The following NTRK1 variants were observed in gnomAD, a reference collection of about 807,000 sequenced individuals.
NTRK1 encodes the protein high affinity nerve growth factor receptor.
Under a neutral mutation model 86.8 loss-of-function variants are expected in NTRK1, and 62 were observed. The observed-to-expected ratio is 0.71, with a 90% CI of 0.58 to 0.88. NTRK1 has a LOEUF of 0.88. Among genes scored for constraint, NTRK1 ranks in the 40% least tolerant of loss-of-function variants. The pLI is 0.00. For missense variants in NTRK1, 967 were observed against 1,078.4 expected, an observed-to-expected ratio of 0.90 and a Z score of 1.45; for synonymous variants, 469 against 456.6, an observed-to-expected ratio of 1.03 and a Z score of -0.35.
At position 156,876,387 on chromosome 1, in the gene NTRK1, C is replaced by G. The variant is rs771615701; in HGVS notation, c.1633-13C>G. On this transcript the variant is annotated splice_polypyrimidine_tract_variant and intron_variant, in intron 13 of 16. Coordinates refer to ENST00000524377, the MANE Select transcript of NTRK1 (RefSeq NM_002529.4). ...GCCCCCAACTCAGTCCTGTCCCTGC[C>G]GCTTCCATCCAGGCACTGAAGGAGG... 1 of 1,613,628 alleles carries G rather than the reference C, an allele frequency of 6.2e-7. No homozygotes were observed. Among genetic ancestry groups the G allele is most frequent in the African/African-American group, 1.3e-5 (1 of 75,036 alleles).
intron 2 of NTRK1, among the ~76,000 whole-genome samples, chr1:156,850,154 G>C (rs893223339): frequency 2.0e-5 from 3 of 151,762 alleles, no homozygotes; most frequent in Admixed American, 6.6e-5. Context: ...CTCCCACCTC[G>C]GCTTGCCAAA....
intron 2 of NTRK1, chr1:156,845,037 C>G: frequency 6.4e-7 from 1 of 1,571,150 alleles, no homozygotes; most frequent in South Asian, 1.1e-5. Context: ...TCCTTGGGGT[C>G]GGTGATGGGG....
Position 156,868,127 on chromosome 1 carries a change from A to G in NTRK1, c.452A>G (p.His151Arg), listed in dbSNP as rs763790152. 1 of 1,613,830 alleles carries G rather than the reference A, an allele frequency of 6.2e-7. No individual in the cohort carries two copies. Among genetic ancestry groups the G allele is most frequent in the East Asian group, 2.2e-5 (1 of 44,870 alleles). Residue 151 changes from histidine (H) to arginine (R), a missense_variant, in exon 5 of 17, where the codon CAC becomes CGC. Physicochemically the swap from His to Arg is conservative, Grantham distance 29 (BLOSUM62 0). This residue lies in a region of NTRK1 where 330 missense variants were observed against 302.0 expected (regional missense o/e 1.09). Coordinates refer to ENST00000524377, the MANE Select transcript of NTRK1 (RefSeq NM_002529.4). Reference sequence around the variant, plus strand: ...AGGGTCCTGTCGGGGAACCCTCTGCACTGTTCTTGTGCCCTGCGCTGGCTA... The same window carrying G: ...AGGGTCCTGTCGGGGAACCCTCTGCGCTGTTCTTGTGCCCTGCGCTGGCTA... ...QELVLSGNPL[H>R]CSCALRWLQR...
chr1:156,845,724 C>T lies in NTRK1; in HGVS notation c.50+3531C>T, dbSNP rs1285288719. 1.2e-6 allele frequency: 2 copies of T among 1,613,676 alleles called. No homozygotes were observed. The highest frequency in any genetic ancestry group is 1.7e-4 in the Middle Eastern group (1 of 6,058). On this transcript the variant is annotated intron_variant, in intron 2 of 16. Transcript: ENST00000392302. ...AACCTGACCAGGAGGTGGGTGCTGGCAAGGGCAGCAGTCGGACTCCATCTC... is the reference window on the plus strand; with the variant it reads ...AACCTGACCAGGAGGTGGGTGCTGGTAAGGGCAGCAGTCGGACTCCATCTC...
At chr1:156,876,949 C>A (rs1010555433) in intron 14 of NTRK1, among the ~76,000 whole-genome samples, 1 of 152,104 alleles carries the variant, frequency 6.6e-6, no homozygotes, top group African/African-American at 2.4e-5. Context: ...TTATCAGGCA[C>A]CTTCTATGTT....
In NTRK1 at chr1:156,874,930, G is replaced by A. The variant is rs986498490; in HGVS notation, c.1276G>A (p.Val426Ile). The change falls in exon 11 of 17, where the codon GTC (valine) becomes ATC (isoleucine). Residue 426 changes from valine to isoleucine, a missense_variant. Val to Ile is a conservative substitution (Grantham distance 29). Coordinates refer to ENST00000524377, the MANE Select transcript of NTRK1 (RefSeq NM_002529.4). ...GGTCTCGGTGGCTGTGGGCCTGGCC[G>A]TCTTTGCCTGCCTCTTCCTTTCTAC... The part of the protein sequence containing the change: ...FGVSVAVGLA[V>I]FACLFLSTLL... 6.8e-6 allele frequency: 11 copies of A among 1,612,858 alleles called. No homozygotes were observed. Among genetic ancestry groups the A allele is most frequent in the African/African-American group, 1.3e-5 (1 of 74,558 alleles).
At chr1:156,874,143 C>T in intron 8 of NTRK1, 184 bp downstream of exon 8, 3 of 869,580 alleles carry the variant, frequency 3.4e-6, no homozygotes, top group Non-Finnish European at 5.5e-6. Context: ...CTCCTGAACT[C>T]CTGAGCTATT....
Position 156,871,487 on chromosome 1 carries a change from C to A in NTRK1, c.718-136C>A, listed in dbSNP as rs556017905. On this transcript the variant is annotated intron_variant, in intron 6 of 16. Coordinates refer to ENST00000524377, the MANE Select transcript of NTRK1 (RefSeq NM_002529.4). ...CCATTATCTGCTACATTCTCTCCCA[C>A]CCCTCTCTCCCTTCTCTTCCCTCCC... 1.3e-4 allele frequency: 114 copies of A among 862,190 alleles called. No homozygotes were observed. The South Asian group carries it at 1.5e-3, about 12-fold the overall frequency. 53.4% of individuals were successfully genotyped at this position (862,190 alleles called of 1,614,324 possible).
intron 1 of NTRK1, among the ~76,000 whole-genome samples, chr1:156,829,365 G>A (rs538121909): frequency 7.9e-5 from 12 of 152,276 alleles, no homozygotes; most frequent in African/African-American, 2.9e-4. Flanking sequence ...TTTCAGTTCT[G>A]GGGTGGGGCA....
At chr1:156,823,262 G>T (rs575368511) in intron 1 of NTRK1, among the ~76,000 whole-genome samples, 1 of 152,124 alleles carries the variant, frequency 6.6e-6, no homozygotes, top group East Asian at 1.9e-4. Context: ...AATATTGTGC[G>T]CACACCACCA....
At chr1:156,839,237 C>T (rs1431353984) in intron 1 of NTRK1, among the ~76,000 whole-genome samples, 1 of 152,242 alleles carries the variant, frequency 6.6e-6, no homozygotes, top group African/African-American at 2.4e-5. Flanking sequence ...TGTGAGGGAG[C>T]TGTGGTTTGC....
chr1:156,863,951 T>C (rs1038234454), intron 1 of NTRK1, among the ~76,000 whole-genome samples: 10 of 152,136 alleles, frequency 6.6e-5, no homozygotes, highest in African/African-American at 2.4e-4. Flanking sequence ...GCTTTGTTTC[T>C]GTGTGTCCAT....
intron 2 of NTRK1, chr1:156,845,165 T>C: frequency 6.2e-7 from 1 of 1,611,562 alleles, no homozygotes; most frequent in Non-Finnish European, 8.5e-7. Flanking sequence ...GTCGATCCGG[T>C]ATTCCGTGAA....
intron 10 of NTRK1, 56 bp from the exon 11 acceptor site, chr1:156,874,850 A>G (rs2102911559): frequency 7.4e-7 from 1 of 1,354,562 alleles, no homozygotes; most frequent in Non-Finnish European, 1.1e-6. Flanking sequence ...TTACTACAGG[A>G]GGCTCTGAGA....
In NTRK1 at chr1:156,868,133, C is replaced by T. The variant is rs2102892757; in HGVS notation, c.458C>T (p.Ser153Phe). Residue 153 changes from serine (S) to phenylalanine (F), a missense_variant, in exon 5 of 17, where the codon TCT (serine) becomes TTT (phenylalanine). Ser to Phe is a radical substitution (Grantham distance 155). Transcript: ENST00000524377. The stretch of plus-strand genomic sequence containing the variant: ...CTGTCGGGGAACCCTCTGCACTGTT[C>T]TTGTGCCCTGCGCTGGCTACAGCGC... ...LVLSGNPLHCSCALRWLQRWE... is the reference protein window; with the variant it reads ...LVLSGNPLHCFCALRWLQRWE... 2 of 1,613,960 alleles carry T rather than the reference C, an allele frequency of 1.2e-6. No homozygotes were observed. Among genetic ancestry groups the T allele is most frequent in the Non-Finnish European group, 1.7e-6 (2 of 1,180,046 alleles).
chr1:156,854,448 T>C lies in NTRK1; in HGVS notation c.51-9906T>C. On this transcript the variant is annotated intron_variant, in intron 2 of 16. Coordinates refer to the NTRK1 transcript ENST00000392302. The surrounding 1 kb of genome is among the most constrained non-coding windows in gnomAD (Gnocchi z 4.2). ...TGCTCTGGGTGTGGGGTGGCCTCCT[T>C]CCTGGGCCCCGGAGGGCTCACCTGC... 3 of 878,292 alleles carry C rather than the reference T, an allele frequency of 3.4e-6. No individual in the cohort carries two copies. The highest frequency in any genetic ancestry group is 2.8e-5 in the Admixed American group (1 of 35,334). 54.4% of individuals were successfully genotyped at this position (878,292 alleles called of 1,614,324 possible). A position where few individuals can be genotyped will look rare whatever the true frequency, so the allele number is the denominator to read the frequency against.
intron 1 of NTRK1, among the ~76,000 whole-genome samples, chr1:156,828,191 T>C (rs1654374558): frequency 6.6e-6 from 1 of 152,196 alleles, no homozygotes; most frequent in South Asian, 2.1e-4. Context: ...AATTAGATCA[T>C]TTGCTTGGTT....
At position 156,868,640 on chromosome 1, in the gene NTRK1, C is replaced by T. The variant is rs55909005; in HGVS notation, c.710C>T (p.Thr237Met). Residue 237 changes from threonine (T) to methionine (M), a missense_variant, in exon 6 of 17, where the codon ACG becomes ATG. Transcript: ENST00000524377. Reference protein sequence around the residue: ...WILTELEQSATVMKSGGLPSL... With the variant: ...WILTELEQSAMVMKSGGLPSL... The stretch of plus-strand genomic sequence containing the variant: ...CTCACAGAGCTGGAGCAGTCAGCCA[C>T]GGTGATGGTGAGAAGACCTTCGCTG... 3.1e-3 allele frequency: 4,881 copies of T among 1,550,790 alleles called. 132 individuals are homozygous for T. The African/African-American group carries it at 0.057, about 18-fold the overall frequency.
Position 156,815,854 on chromosome 1 carries a change from G to A in NTRK1, c.-64+16G>A, listed in dbSNP as rs200656218. ...CATGAAGGAGGTACTCCTCATTTTC[G>A]TTCTCTCTCTCTGTGCCCCAGCCCG... On this transcript the variant is annotated intron_variant, in intron 1 of 16. Transcript: ENST00000392302. The A allele has an allele frequency of 1.5e-5, 24 of 1,614,130 alleles. No homozygotes were observed. In the East Asian group the frequency reaches 1.6e-4, roughly 10 times the overall value.
Sources: gnomAD v4.1 joint callset for allele counts (sites outside exome capture counted in the v4.1 genomes callset) on GRCh38, gnomAD v4.1.1 for gene constraint, gnomAD v4.1.1 regional missense constraint, Gnocchi (gnomAD v3.1) non-coding constraint, MANE v1.5 for transcripts, NCBI Gene and HGNC (gene_info 2026-07-23, HGNC 2026-07-21) for gene names.